The following CPSF2 variants were observed in gnomAD, a reference collection of about 807,000 sequenced individuals.
CPSF2 encodes cleavage and polyadenylation specific factor 2.
In CPSF2, 51 loss-of-function variants were observed where a neutral mutation model predicts 84.2. That is an observed-to-expected ratio of 0.61 (90% CI 0.48 to 0.77). CPSF2 has a LOEUF of 0.77. CPSF2 is among the 30% of genes least tolerant of loss of function. The pLI, the probability that CPSF2 is intolerant of heterozygous loss-of-function variation, is 0.00. For missense variants in CPSF2, 641 were observed against 929.4 expected (o/e 0.69, Z 4.03); for synonymous variants, 286 against 311.9 (o/e 0.92, Z 0.87).
intron 14 of CPSF2, 44 bp from the exon 15 acceptor site, chr14:92,161,065 CTGG>C: frequency 6.3e-7 from 1 of 1,583,432 alleles, no homozygotes; most frequent in Non-Finnish European, 8.6e-7. Flanking sequence ...AGTTGTATGT[CTGG>C]TGTTTTACTT....
At chr14:92,124,277 A>G (rs920779279) in intron 1 of CPSF2, among the ~76,000 whole-genome samples, 1 of 152,130 alleles carries the variant, frequency 6.6e-6, no homozygotes, top group East Asian at 1.9e-4. Flanking sequence ...GCAGGAGGAT[A>G]TTTGTTTTTT....
chr14:92,168,178 G>A lies in CPSF2; in HGVS notation c.*6434G>A, dbSNP rs894317167. On this transcript the variant is annotated 3_prime_UTR_variant, in exon 16 of 16. Transcript: ENST00000298875. ...CAGTAGAATCGCTTGAACCCGGGAT[G>A]CGGAAGTTGCAGTGAGCCAAGATCA... 6 of 148,132 alleles carry A rather than the reference G, an allele frequency of 4.1e-5. No individual in the cohort carries two copies. Among genetic ancestry groups the A allele is most frequent in the African/African-American group, 1.5e-4 (6 of 40,020 alleles). The allele number at this position is 148,132 out of a possible 1,614,324, so 9.2% of individuals were successfully genotyped here.
chr14:92,125,218 C>T (rs1268506003), intron 1 of CPSF2, among the ~76,000 whole-genome samples: 1 of 152,094 alleles, frequency 6.6e-6, no homozygotes, highest in Non-Finnish European at 1.5e-5. Flanking sequence ...GAGGCCCTTC[C>T]TGTATTAGGG....
At chr14:92,158,824 G>C (rs2069327257) in intron 13 of CPSF2, among the ~76,000 whole-genome samples, 159 bp from the exon 14 acceptor site, 1 of 152,184 alleles carries the variant, frequency 6.6e-6, no homozygotes, top group Admixed American at 6.5e-5. Context: ...ATGATCTGCA[G>C]GTAATGAGGT....
intron 9 of CPSF2, among the ~76,000 whole-genome samples, chr14:92,143,623 T>A (rs760809053): frequency 2.0e-5 from 3 of 152,118 alleles, no homozygotes; most frequent in Non-Finnish European, 2.9e-5. Flanking sequence ...CATTCTTCTT[T>A]GAGATGGGGT....
At chr14:92,122,824 A>G (rs1379564314) in intron 1 of CPSF2, among the ~76,000 whole-genome samples, 2 of 150,230 alleles carry the variant, frequency 1.3e-5, no homozygotes, top group Middle Eastern at 3.2e-3. Flanking sequence ...TTAATTTTAC[A>G]ACCCCTTTAA....
intron 6 of CPSF2, among the ~76,000 whole-genome samples, chr14:92,136,722 C>G (rs930512774): frequency 2.0e-5 from 3 of 152,200 alleles, no homozygotes; most frequent in Admixed American, 6.5e-5. Context: ...GTTTTCATTT[C>G]TGCATTCGTC....
chr14:92,134,743 T>C (rs1384527679), intron 5 of CPSF2, among the ~76,000 whole-genome samples: 1 of 152,200 alleles, frequency 6.6e-6, no homozygotes, highest in East Asian at 1.9e-4. Context: ...GAGTAGATAA[T>C]GAATTCTAGC....
rs2069427655 is a variant in CPSF2 at position 92,165,199 on chromosome 14, A to C, written c.*3455A>C. On this transcript the variant is annotated 3_prime_UTR_variant, in exon 16 of 16. Transcript: ENST00000298875. ...TGATGTACATTTGAGTTGATTCCAAATTTTGGCTATTAAGAATGCTGCTCT... is the reference window on the plus strand; with the variant it reads ...TGATGTACATTTGAGTTGATTCCAACTTTTGGCTATTAAGAATGCTGCTCT... The C allele has an allele frequency of 6.6e-6, 1 of 151,456 alleles. No individual in the cohort carries two copies. The highest frequency in any genetic ancestry group is 6.6e-5 in the Admixed American group (1 of 15,186). 9.4% of individuals were successfully genotyped at this position (151,456 alleles called of 1,614,324 possible). A position where few individuals can be genotyped will look rare whatever the true frequency, so the allele number is the denominator to read the frequency against.
At chr14:92,153,726 CAG>C (rs2141477306) in intron 9 of CPSF2, among the ~76,000 whole-genome samples, 1 of 139,858 alleles carries the variant, frequency 7.2e-6, no homozygotes, top group African/African-American at 2.7e-5. Context: ...TTTTCTGAGA[CAG>C]AGTATTGCTT....
intron 10 of CPSF2, among the ~76,000 whole-genome samples, chr14:92,154,777 C>G (rs2069267138): frequency 1.3e-5 from 2 of 152,164 alleles, no homozygotes; most frequent in East Asian, 3.8e-4. Context: ...TATGTTTACA[C>G]AAACCTTGAT....
rs992966833 is a variant in CPSF2 at position 92,143,235 on chromosome 14, C to A, written c.1081C>A (p.Pro361Thr). The A allele has an allele frequency of 6.2e-7, 1 of 1,613,212 alleles. No homozygotes were observed. Among genetic ancestry groups the A allele is most frequent in the Non-Finnish European group, 8.5e-7 (1 of 1,179,340 alleles). Reference sequence around the variant, plus strand: ...AATCATTCTAACCTACAGAACTACTCCTGGGACTTTAGCACGTTTCCTAAT... The same window carrying A: ...AATCATTCTAACCTACAGAACTACTACTGGGACTTTAGCACGTTTCCTAAT... ...NSIILTYRTTPGTLARFLIDN... is the reference protein window; with the variant it reads ...NSIILTYRTTTGTLARFLIDN... The change falls in exon 9 of 16, where the codon CCT (proline) becomes ACT (threonine). Residue 361 changes from proline (P) to threonine (T), a missense_variant. Physicochemically the swap from Pro to Thr is conservative, Grantham distance 38. Around this residue, in one of 2 missense-constraint regions of CPSF2, gnomAD observed 430 missense variants for 553.6 expected, o/e 0.78. Coordinates refer to ENST00000298875, the MANE Select transcript of CPSF2 (RefSeq NM_017437.3).
intron 1 of CPSF2, among the ~76,000 whole-genome samples, chr14:92,125,505 T>G (rs1023074920): frequency 1.3e-5 from 2 of 152,132 alleles, no homozygotes; most frequent in Non-Finnish European, 2.9e-5. Flanking sequence ...CTGTATCATC[T>G]CATCAATCAT....
At chr14:92,139,348 CGGAGCTTG>C (rs2069043288) in intron 7 of CPSF2, among the ~76,000 whole-genome samples, 1 of 151,208 alleles carries the variant, frequency 6.6e-6, no homozygotes, top group Non-Finnish European at 1.5e-5. Flanking sequence ...ACCCGGAAGG[CGGAGCTTG>C]CAGTGAGCTG....
intron 13 of CPSF2, 49 bp from the exon 14 acceptor site, chr14:92,158,934 A>G: frequency 6.9e-7 from 1 of 1,442,218 alleles, no homozygotes; most frequent in Non-Finnish European, 9.4e-7. Flanking sequence ...TAATTTGTTA[A>G]TATGTATTCT....
chr14:92,166,203 C>T lies in CPSF2; in HGVS notation c.*4459C>T, dbSNP rs545622846. On this transcript the variant is annotated 3_prime_UTR_variant, in exon 16 of 16. Coordinates refer to ENST00000298875, the MANE Select transcript of CPSF2 (RefSeq NM_017437.3). ...AAAGCTATTCCTTCATTCAAAGTCA[C>T]GAAGGTTTACACTTAATTTTTTTCT... 4 of 152,034 alleles carry T rather than the reference C, an allele frequency of 2.6e-5. No individual in the cohort carries two copies. Among genetic ancestry groups the T allele is most frequent in the South Asian group, 2.1e-4 (1 of 4,822 alleles). 9.4% of individuals were successfully genotyped at this position (152,034 alleles called of 1,614,324 possible).
At chr14:92,148,382 A>T (rs1476844308) in intron 9 of CPSF2, among the ~76,000 whole-genome samples, 2 of 152,138 alleles carry the variant, frequency 1.3e-5, no homozygotes, top group African/African-American at 4.8e-5. Context: ...AACAAGGGCA[A>T]TCTCCAGCAA....
In CPSF2 at chr14:92,143,147, T is replaced by G. The variant is rs775877102; in HGVS notation, c.993T>G (p.Pro331=). The change falls in exon 9 of 16, where the codon CCT becomes CCG. Residue 331 remains proline, a synonymous_variant. Coordinates refer to ENST00000298875, the MANE Select transcript of CPSF2 (RefSeq NM_017437.3). ...CTAAAGTTGTACTTGCCAGCCAACC[T>G]GACCTGGAATGCGGATTTTCAAGGG... ...PSPKVVLASQ[P]DLECGFSRDL... The G allele has an allele frequency of 3.7e-6, 6 of 1,614,152 alleles. No homozygotes were observed. In the East Asian group the frequency reaches 1.3e-4, roughly 36 times the overall value.
chr14:92,127,418 G>A (rs143093325), intron 2 of CPSF2, among the ~76,000 whole-genome samples: 7 of 152,228 alleles, frequency 4.6e-5, no homozygotes, highest in African/African-American at 1.7e-4. Context: ...GTATATCACT[G>A]GAAGTGTTTT....
Sources: gnomAD v4.1 joint callset for allele counts (sites outside exome capture counted in the v4.1 genomes callset) on GRCh38, gnomAD v4.1.1 for gene constraint, gnomAD v4.1.1 regional missense constraint, MANE v1.5 for transcripts, NCBI Gene and HGNC (gene_info 2026-07-23, HGNC 2026-07-21) for gene names.